The following LSAMP variants were observed in gnomAD, a reference collection of about 807,000 sequenced individuals.
The protein encoded by LSAMP is limbic system-associated membrane protein.
Under a neutral mutation model 38.6 loss-of-function variants are expected in LSAMP, and 7 were observed. That is an observed-to-expected ratio of 0.18 (90% CI 0.10 to 0.34). The LOEUF (loss-of-function observed/expected upper bound fraction) is 0.34, where lower values mean the gene tolerates loss of function less well. Ranked by LOEUF, LSAMP falls within the 10% of genes least tolerant of loss-of-function variation. LSAMP has a pLI of 1.00. For synonymous variants in LSAMP, 154 were observed against 166.8 expected, an observed-to-expected ratio of 0.92 and a Z score of 0.59; for missense variants, 313 against 420.0, an observed-to-expected ratio of 0.75 and a Z score of 2.23.
chr3:116,094,056 CATT>C (rs1708175663), intron 1 of LSAMP, among the ~76,000 whole-genome samples: 1 of 152,150 alleles, frequency 6.6e-6, no homozygotes. Flanking sequence ...GGTTTTATAA[CATT>C]ATTTTAAGTA....
intron 3 of LSAMP, among the ~76,000 whole-genome samples, chr3:115,984,173 G>T (rs1481138076): frequency 1.3e-5 from 2 of 152,016 alleles, no homozygotes; most frequent in South Asian, 4.1e-4. Flanking sequence ...GAAGAGTCTG[G>T]GATGACACCC....
chr3:116,393,169 C>G (rs2048725774), intron 1 of LSAMP, among the ~76,000 whole-genome samples: 1 of 152,148 alleles, frequency 6.6e-6, no homozygotes. Flanking sequence ...CTAAAACATG[C>G]CCTTTGCCCA....
At chr3:116,367,358 C>A (rs2048368066) in intron 1 of LSAMP, among the ~76,000 whole-genome samples, 1 of 152,080 alleles carries the variant, frequency 6.6e-6, no homozygotes, top group Non-Finnish European at 1.5e-5. Flanking sequence ...ATAAATAAAT[C>A]CCACTTGAAT....
intron 1 of LSAMP, among the ~76,000 whole-genome samples, chr3:116,355,103 CTT>C (rs2048204013): frequency 6.6e-6 from 1 of 151,942 alleles, no homozygotes; most frequent in African/African-American, 2.4e-5. Flanking sequence ...TTAACTTGTT[CTT>C]TACCATATAT....
intron 1 of LSAMP, among the ~76,000 whole-genome samples, chr3:116,317,255 TG>T (rs1433194929): frequency 6.6e-6 from 1 of 152,154 alleles, no homozygotes. Flanking sequence ...TAACACTCAC[TG>T]TGAAGGTCTG....
intron 1 of LSAMP, among the ~76,000 whole-genome samples, chr3:116,187,771 T>G (rs193246794): frequency 1.3e-5 from 2 of 152,156 alleles, no homozygotes; most frequent in African/African-American, 4.8e-5. Flanking sequence ...ACAGAAGGGA[T>G]AATCTTCCCT....
At chr3:115,831,505 A>C (rs573910457) in intron 6 of LSAMP, among the ~76,000 whole-genome samples, 2 of 152,286 alleles carry the variant, frequency 1.3e-5, no homozygotes, top group African/African-American at 4.8e-5. Context: ...CAATGTGAGA[A>C]TGTCTCTGGG....
chr3:116,110,931 A>G (rs1708596603), intron 1 of LSAMP, among the ~76,000 whole-genome samples: 1 of 151,726 alleles, frequency 6.6e-6, no homozygotes, highest in Non-Finnish European at 1.5e-5. Context: ...GGGCCGTTTT[A>G]TAGGATTTAG....
In LSAMP at chr3:115,947,642, T is replaced by A. The variant is rs182162824; in HGVS notation, c.514+71873A>T. 5.8e-3 allele frequency among the ~76,000 whole-genome samples: 878 copies of A among 152,328 alleles called. 13 individuals are homozygous for A. Among genetic ancestry groups the A allele is most frequent in the African/African-American group, 0.02 (844 of 41,572 alleles). ...AAGTCATCAAGATTATGAGATTTTT[T>A]ATTTTTATTGTATGCACATTATAAT... On this transcript the variant is annotated intron_variant, in intron 3 of 6. Transcript: ENST00000490035.
intron 1 of LSAMP, among the ~76,000 whole-genome samples, chr3:116,393,369 C>A (rs1378123719): frequency 6.6e-6 from 1 of 152,190 alleles, no homozygotes; most frequent in Non-Finnish European, 1.5e-5. Flanking sequence ...TCTGGTCTAG[C>A]TGCAGCCTCA....
intron 3 of LSAMP, among the ~76,000 whole-genome samples, chr3:115,953,234 G>A (rs1336589038): frequency 1.3e-5 from 2 of 152,048 alleles, no homozygotes; most frequent in African/African-American, 4.8e-5. Flanking sequence ...CTGATACAGT[G>A]TAACCAGCTT....
At chr3:115,868,338 A>G (rs1284942743) in intron 3 of LSAMP, among the ~76,000 whole-genome samples, 5 of 152,124 alleles carry the variant, frequency 3.3e-5, no homozygotes, top group Non-Finnish European at 7.4e-5. Flanking sequence ...CACAATTCCA[A>G]AACAGTCATG....
chr3:116,089,340 AT>A (rs1271307507), intron 1 of LSAMP, among the ~76,000 whole-genome samples: 16 of 152,166 alleles, frequency 1.1e-4, no homozygotes, highest in Admixed American at 3.3e-4. Flanking sequence ...GTATATTAGA[AT>A]ACACATATAC....
At chr3:115,889,053 A>G (rs1186088721) in intron 3 of LSAMP, among the ~76,000 whole-genome samples, 1 of 151,834 alleles carries the variant, frequency 6.6e-6, no homozygotes, top group East Asian at 1.9e-4. Flanking sequence ...CCATCTGTTG[A>G]GATTCCTGTG....
Position 116,183,892 on chromosome 3 carries a change from G to C in LSAMP, c.156-97336C>G, listed in dbSNP as rs563566414. Among the ~76,000 whole-genome samples, 102 of 152,000 alleles carry C rather than the reference G, an allele frequency of 6.7e-4. 1 individual carries two copies. Among genetic ancestry groups the C allele is most frequent in the Admixed American group, 1.2e-3 (18 of 15,232 alleles). Reference sequence around the variant, plus strand: ...AGAGAGAAAAATAGGCAAATGAGCAGAGGAAAAGTTGTAGATACTGGGTTG... The same window carrying C: ...AGAGAGAAAAATAGGCAAATGAGCACAGGAAAAGTTGTAGATACTGGGTTG... On this transcript the variant is annotated intron_variant, in intron 1 of 6. Transcript: ENST00000490035.
chr3:115,826,427 A>G (rs1256730216), intron 6 of LSAMP, among the ~76,000 whole-genome samples: 1 of 151,952 alleles, frequency 6.6e-6, no homozygotes, highest in Non-Finnish European at 1.5e-5. Context: ...TTTAAACTTC[A>G]CTTTCACCTG....
chr3:116,263,050 A>G (rs1325987951), intron 1 of LSAMP, among the ~76,000 whole-genome samples: 1 of 152,176 alleles, frequency 6.6e-6, no homozygotes, highest in Non-Finnish European at 1.5e-5. Context: ...TTCCCTGGGG[A>G]AGCCTGTCTG....
intron 1 of LSAMP, among the ~76,000 whole-genome samples, chr3:116,226,179 C>G (rs975891025): frequency 6.6e-6 from 1 of 152,172 alleles, no homozygotes; most frequent in Admixed American, 6.5e-5. Context: ...TCCTTACCCC[C>G]CAACCCTCAA....
chr3:116,120,117 A>G (rs947906700), intron 1 of LSAMP, among the ~76,000 whole-genome samples: 1 of 152,192 alleles, frequency 6.6e-6, no homozygotes, highest in African/African-American at 2.4e-5. Context: ...AGATAAAGAC[A>G]TATAAACTTT....
Sources: gnomAD v4.1 joint callset for allele counts (sites outside exome capture counted in the v4.1 genomes callset) on GRCh38, gnomAD v4.1.1 for gene constraint, MANE v1.5 for transcripts, NCBI Gene and HGNC (gene_info 2026-07-23, HGNC 2026-07-21) for gene names.